The following CTSB variants were observed in gnomAD, a reference collection of about 807,000 sequenced individuals.
The protein encoded by CTSB is APP secretase.
Under a neutral mutation model 44.3 loss-of-function variants are expected in CTSB, and 57 were observed. The observed-to-expected ratio is 1.29, with a 90% CI of 1.04 to 1.60. The LOEUF (loss-of-function observed/expected upper bound fraction) is 1.60, where lower values mean the gene tolerates loss of function less well. Ranked by LOEUF, CTSB falls within the 40% of genes most tolerant of loss-of-function variation. CTSB has a pLI of 0.00. For missense variants in CTSB, 768 were observed against 443.0 expected (o/e 1.73, Z -6.59); for synonymous variants, 320 against 168.0 (o/e 1.91, Z -7.00).
At chr8:11,850,419 C>CAAAAA (rs61067792) in intron 4 of CTSB, among the ~76,000 whole-genome samples, 552 of 53,226 alleles carry the variant, frequency 0.01, 5 homozygotes, top group African/African-American at 0.037. Context: ...ACTCCATCTC[C>CAAAAA]AAAAAAAAAA....
In CTSB at chr8:11,847,754, C is replaced by A; in HGVS notation, c.601G>T (p.Glu201Ter). ...TTGCTACACTTGGGGGTATCTCCCT[C>A]CCCCGTGCATGGGGGCCGGGAGCCG... ...VNGSRPPCTG[E>*]GDTPKCSKIC... The change falls in exon 7 of 10, where the codon GAG becomes TAG. Residue 201 changes from glutamate (E) to a stop codon, truncating the protein, a stop_gained. Coordinates refer to ENST00000353047, the MANE Select transcript of CTSB (RefSeq NM_001908.5). LOFTEE classifies it high-confidence loss of function. The A allele has an allele frequency of 1.2e-6, 2 of 1,601,672 alleles. No individual in the cohort carries two copies. Among genetic ancestry groups the A allele is most frequent in the Non-Finnish European group, 1.7e-6 (2 of 1,176,104 alleles).
At chr8:11,859,543 C>A (rs1816049739) in intron 1 of CTSB, among the ~76,000 whole-genome samples, 1 of 150,562 alleles carries the variant, frequency 6.6e-6, no homozygotes, top group Admixed American at 6.6e-5. Context: ...GGCGGATCAC[C>A]TGAGGTCAGG....
At chr8:11,860,281 G>T (rs780045252) in intron 1 of CTSB, among the ~76,000 whole-genome samples, 3 of 152,100 alleles carry the variant, frequency 2.0e-5, no homozygotes, top group Non-Finnish European at 4.4e-5. Flanking sequence ...TTCCTCATTC[G>T]TTGGTGCTGT....
chr8:11,850,695 C>G (rs1463119408), intron 4 of CTSB, 171 bp downstream of exon 4: 4 of 512,438 alleles, frequency 7.8e-6, no homozygotes, highest in African/African-American at 5.7e-5. Context: ...CTAATCCTCG[C>G]CATCATTCAT....
In CTSB at chr8:11,846,920, C is replaced by G. The variant is rs1813474343; in HGVS notation, c.793+132G>C. 8.9e-6 allele frequency: 6 copies of G among 674,220 alleles called. No homozygotes were observed. The East Asian group carries it at 1.3e-4, about 14-fold the overall frequency. The allele number at this position is 674,220 out of a possible 1,614,324, so 41.8% of individuals were successfully genotyped here. On this transcript the variant is annotated intron_variant, in intron 8 of 9. Transcript: ENST00000353047. ...AGAGGAGTGAGCCTATATGGAAGGC[C>G]CCACACAGCCCTCTTCCCCAGCCCC...
chr8:11,867,524 A>C (rs1193193940), intron 1 of CTSB: 1 of 152,250 alleles, frequency 6.6e-6, no homozygotes, highest in Non-Finnish European at 1.5e-5. Flanking sequence ...GGCCAGGCAA[A>C]TCCTTCGCAA....
chr8:11,862,976 G>C (rs1255606852), intron 1 of CTSB, among the ~76,000 whole-genome samples: 1 of 152,132 alleles, frequency 6.6e-6, no homozygotes, highest in Non-Finnish European at 1.5e-5. Flanking sequence ...ACACAGTCAA[G>C]ACTGCCAGCC....
Position 11,849,077 on chromosome 8 carries a change from G to T in CTSB, c.415C>A (p.Leu139Ile). ...VSVEVSAEDLLTCCGSMCGDG... is the reference protein window; with the variant it reads ...VSVEVSAEDLITCCGSMCGDG... ...CCACACATGCTGCCACAGCATGTGA[G>T]CAGGTCCTCCGCCGACACCTCCACG... Residue 139 changes from leucine to isoleucine, a missense_variant, in exon 5 of 10, where the codon CTC becomes ATC. Leu to Ile is a conservative substitution (Grantham distance 5). Coordinates refer to ENST00000353047, the MANE Select transcript of CTSB (RefSeq NM_001908.5). 1 of 1,613,412 alleles carries T rather than the reference G, an allele frequency of 6.2e-7. No individual in the cohort carries two copies. Among genetic ancestry groups the T allele is most frequent in the Non-Finnish European group, 8.5e-7 (1 of 1,179,726 alleles).
chr8:11,853,460 A>T lies in CTSB; in HGVS notation c.-6T>A. The T allele has an allele frequency of 6.2e-7, 1 of 1,610,574 alleles. No homozygotes were observed. Among genetic ancestry groups the T allele is most frequent in the Non-Finnish European group, 8.5e-7 (1 of 1,179,226 alleles). On this transcript the variant is annotated 5_prime_UTR_variant, in exon 2 of 10. Transcript: ENST00000353047. Reference sequence around the variant, plus strand: ...GAGGCCCAGAGCTGCCACATGTTGGAAGCCGGATCCTAGATCCACCTGGAG... The same window carrying T: ...GAGGCCCAGAGCTGCCACATGTTGGTAGCCGGATCCTAGATCCACCTGGAG...
rs1461994097 is a variant in CTSB at position 11,850,931 on chromosome 8, C to T, written c.262G>A (p.Glu88Lys). The change falls in exon 4 of 10, where the codon GAA becomes AAA. Residue 88 changes from glutamate to lysine, a missense_variant. By Grantham distance (56) the Glu-to-Lys change is moderately conservative. Transcript: ENST00000353047. ...ATGGTGGGACACTGTGGCCATTGTTCCCGTGCATCGAAGCTTGCAGGCAGC... is the reference window on the plus strand; with the variant it reads ...ATGGTGGGACACTGTGGCCATTGTTTCCGTGCATCGAAGCTTGCAGGCAGC... ...LKLPASFDAR[E>K]QWPQCPTIKE... 1 of 1,613,488 alleles carries T rather than the reference C, an allele frequency of 6.2e-7. No individual in the cohort carries two copies. Among genetic ancestry groups the T allele is most frequent in the Non-Finnish European group, 8.5e-7 (1 of 1,179,626 alleles).
rs141377716 is a variant in CTSB, at chr8:11,848,233, G to A, written c.447-81C>T. The A allele has an allele frequency of 2.7e-3, 3,532 of 1,312,368 alleles. 7 individuals carry two copies. Among genetic ancestry groups the A allele is most frequent in the Middle Eastern group, 3.8e-3 (21 of 5,486 alleles). 81.3% of individuals were successfully genotyped at this position (1,312,368 alleles called of 1,614,324 possible). On this transcript the variant is annotated intron_variant, in intron 5 of 9. Coordinates refer to ENST00000353047, the MANE Select transcript of CTSB (RefSeq NM_001908.5). ...ACCACTGTGTGCTACCCAAGTGCCC[G>A]AGGCCACTCGTGGACCCACCCCCAG...
intron 3 of CTSB, 90 bp downstream of exon 3, chr8:11,852,520 G>T: frequency 1.0e-6 from 1 of 969,710 alleles, no homozygotes; most frequent in East Asian, 2.6e-5. Flanking sequence ...CCCTGCGGAC[G>T]CCAGAGAGGC....
intron 1 of CTSB, among the ~76,000 whole-genome samples, chr8:11,856,165 G>T (rs950740112): frequency 1.3e-5 from 2 of 152,116 alleles, no homozygotes; most frequent in African/African-American, 2.4e-5. Flanking sequence ...TGGGGAAACG[G>T]AAGGCATGAT....
chr8:11,851,106 G>A (rs1044406533), intron 3 of CTSB, 126 bp from the exon 4 acceptor site: 6 of 568,674 alleles, frequency 1.1e-5, no homozygotes, highest in Admixed American at 2.9e-5. Context: ...TGCCGAAGAA[G>A]GCTGCAGACA....
At chr8:11,847,263 G>T in intron 7 of CTSB, 95 bp from the exon 8 acceptor site, 1 of 796,530 alleles carries the variant, frequency 1.3e-6, no homozygotes, top group Non-Finnish European at 2.2e-6. Context: ...GTGGCCTCCA[G>T]GGGAAGACTG....
At chr8:11,846,571 G>A (rs1813387856) in intron 8 of CTSB, among the ~76,000 whole-genome samples, 1 of 152,202 alleles carries the variant, frequency 6.6e-6, no homozygotes, top group South Asian at 2.1e-4. Flanking sequence ...CCCAGGGCAA[G>A]GTCCTCCCTG....
At chr8:11,854,579 C>T (rs962000544) in intron 1 of CTSB, 1 of 152,160 alleles carries the variant, frequency 6.6e-6, no homozygotes, top group Non-Finnish European at 1.5e-5. Flanking sequence ...TCACTGCAGC[C>T]TCCACCTCCC....
rs1183929482 is a variant in CTSB at position 11,844,908 on chromosome 8, T to C, written c.*217A>G. 4 of 566,422 alleles carry C rather than the reference T, an allele frequency of 7.1e-6. No homozygotes were observed. The highest frequency in any genetic ancestry group is 1.3e-5 in the Non-Finnish European group (4 of 316,664). 35.1% of individuals were successfully genotyped at this position (566,422 alleles called of 1,614,324 possible). ...CACTAGTCTACAGGGGGAAGGACGC[T>C]CTGTGCTGGCAGCGGTGGCTCACAT... is the stretch of plus-strand genomic sequence containing the variant. On this transcript the variant is annotated 3_prime_UTR_variant, in exon 10 of 10. Coordinates refer to ENST00000353047, the MANE Select transcript of CTSB (RefSeq NM_001908.5).
intron 8 of CTSB, chr8:11,846,042 A>AAAT: frequency 3.0e-6 from 1 of 335,648 alleles, no homozygotes; most frequent in Non-Finnish European, 5.4e-6. Context: ...TTGGCTTTAA[A>AAAT]AATAGAATTT....
Sources: allele counts gnomAD v4.1 joint callset (sites outside exome capture counted in the v4.1 genomes callset), GRCh38; gene constraint gnomAD v4.1.1; transcripts MANE v1.5; gene names NCBI Gene and HGNC (gene_info 2026-07-23, HGNC 2026-07-21).